Variants in ATF2 observed in about 807,000 individuals in gnomAD.
The protein encoded by ATF2 is cyclic AMP-dependent transcription factor ATF-2.
Under a neutral mutation model 60.6 loss-of-function variants are expected in ATF2, and 24 were observed. The ratio of observed to expected loss-of-function variants is 0.40; its 90% confidence interval spans 0.29 to 0.56. ATF2 has a LOEUF of 0.56. ATF2 is among the 20% of genes least tolerant of loss of function. ATF2 has a pLI of 0.54. For synonymous variants in ATF2, 206 were observed against 215.4 expected (o/e 0.96, Z 0.38); for missense variants, 433 against 607.7 (o/e 0.71, Z 3.02).
intron 1 of ATF2, among the ~76,000 whole-genome samples, chr2:175,163,059 G>C (rs1479988273): frequency 6.6e-6 from 1 of 151,990 alleles, no homozygotes; most frequent in African/African-American, 2.4e-5. Flanking sequence ...GCATGAACCT[G>C]GGAGGCGGAG....
intron 10 of ATF2, among the ~76,000 whole-genome samples, chr2:175,108,970 G>C (rs1695968228): frequency 6.6e-6 from 1 of 151,962 alleles, no homozygotes; most frequent in Admixed American, 6.5e-5. Context: ...ATGCATGAAG[G>C]CAGCATGCTC....
intron 12 of ATF2, among the ~76,000 whole-genome samples, chr2:175,091,394 A>AAT (rs1402249290): frequency 2.0e-5 from 3 of 152,208 alleles, no homozygotes; most frequent in Non-Finnish European, 4.4e-5. Context: ...CACATACCTA[A>AAT]ATCACTTTGT....
At chr2:175,148,928 T>C (rs1299550019) in intron 2 of ATF2, among the ~76,000 whole-genome samples, 1 of 152,138 alleles carries the variant, frequency 6.6e-6, no homozygotes, top group African/African-American at 2.4e-5. Flanking sequence ...ATGTCTTATG[T>C]CTCCCTAAAA....
At chr2:175,076,537 T>C (rs140805775) in intron 13 of ATF2, among the ~76,000 whole-genome samples, 39 of 152,240 alleles carry the variant, frequency 2.6e-4, no homozygotes, top group African/African-American at 9.4e-4. Context: ...CAACAGGTCG[T>C]TTCTCAACTA....
At chr2:175,143,751 T>C (rs1460739055) in intron 2 of ATF2, among the ~76,000 whole-genome samples, 1 of 152,162 alleles carries the variant, frequency 6.6e-6, no homozygotes, top group Non-Finnish European at 1.5e-5. Flanking sequence ...TTCATATATA[T>C]AATGGTTATT....
chr2:175,111,510 AAAACATT>A, intron 10 of ATF2, 51 bp downstream of exon 10: 1 of 1,451,134 alleles, frequency 6.9e-7, no homozygotes, highest in Non-Finnish European at 9.6e-7. Flanking sequence ...GGCTTTAGTG[AAAACATT>A]AATTCAAAAC....
intron 4 of ATF2, among the ~76,000 whole-genome samples, chr2:175,128,610 G>C (rs1381495995): frequency 6.6e-6 from 1 of 151,792 alleles, no homozygotes; most frequent in East Asian, 1.9e-4. Flanking sequence ...GGAAAACAAA[G>C]GAGAATACCT....
chr2:175,094,597 A>T (rs373094516), intron 11 of ATF2, among the ~76,000 whole-genome samples: 39 of 152,238 alleles, frequency 2.6e-4, no homozygotes, highest in African/African-American at 8.7e-4. Flanking sequence ...TATGTAATAC[A>T]AGTCTTATAT....
chr2:175,150,481 C>CT (rs1699238945), intron 2 of ATF2, among the ~76,000 whole-genome samples: 1 of 152,008 alleles, frequency 6.6e-6, no homozygotes, highest in South Asian at 2.1e-4. Context: ...ACTTTATACT[C>CT]TAATATCACC....
rs138034825 is a variant in ATF2 at position 175,144,102 on chromosome 2, AT to A, written c.-44+6957del. Among the ~76,000 whole-genome samples, 299 of 152,080 alleles carry A rather than the reference AT, an allele frequency of 2.0e-3. 3 individuals carry two copies. The highest frequency in any genetic ancestry group is 5.9e-3 in the African/African-American group (243 of 41,510). ...AGGCACTGCACCTGATTCTTTGCCC[AT>A]TTTTTTTAAAAAAAAATGTTAGTTA... On this transcript the variant is annotated intron_variant, in intron 2 of 13. Coordinates refer to ENST00000264110, the MANE Select transcript of ATF2 (RefSeq NM_001880.4).
chr2:175,130,039 G>A (rs1697620025), intron 4 of ATF2, 99 bp downstream of exon 4: 2 of 945,318 alleles, frequency 2.1e-6, no homozygotes, highest in Non-Finnish European at 3.0e-6. Flanking sequence ...AAATTTTACA[G>A]AATACTGTAA....
At chr2:175,163,115 C>T (rs929122812) in intron 1 of ATF2, among the ~76,000 whole-genome samples, 4 of 151,548 alleles carry the variant, frequency 2.6e-5, no homozygotes, top group African/African-American at 9.7e-5. Context: ...GCCTGGGCAA[C>T]AGAGCGAGAC....
intron 11 of ATF2, among the ~76,000 whole-genome samples, chr2:175,094,403 G>GAAAAAAAAAAAAAAAAAAAAA (rs61440218): frequency 3.3e-5 from 2 of 61,138 alleles, no homozygotes; most frequent in Non-Finnish European, 6.9e-5. Flanking sequence ...CAAAAAATAC[G>GAAAAAAAAAAAAAAAAAAAAA]AAAAAAAAAA....
intron 2 of ATF2, among the ~76,000 whole-genome samples, chr2:175,140,606 C>T (rs1698434885): frequency 6.6e-6 from 1 of 151,926 alleles, no homozygotes; most frequent in Non-Finnish European, 1.5e-5. Context: ...ACGTATCAAG[C>T]TGTATACTTT....
At chr2:175,115,193 C>T (rs1326559517) in intron 7 of ATF2, among the ~76,000 whole-genome samples, 1 of 151,712 alleles carries the variant, frequency 6.6e-6, no homozygotes, top group Non-Finnish European at 1.5e-5. Context: ...ATAATCCATT[C>T]TCAGAGAATC....
At chr2:175,122,258 A>T (rs1697014513) in intron 4 of ATF2, among the ~76,000 whole-genome samples, 2 of 152,008 alleles carry the variant, frequency 1.3e-5, no homozygotes, top group African/African-American at 4.8e-5. Flanking sequence ...TTGCATGCCA[A>T]AGGTAACATT....
At chr2:175,143,795 C>T (rs557056316) in intron 2 of ATF2, among the ~76,000 whole-genome samples, 1 of 152,004 alleles carries the variant, frequency 6.6e-6, no homozygotes, top group African/African-American at 2.4e-5. Context: ...CTCTGCCCAG[C>T]CCCCGCCTTT....
intron 12 of ATF2, among the ~76,000 whole-genome samples, chr2:175,091,870 A>G (rs925240305): frequency 3.9e-5 from 6 of 152,222 alleles, no homozygotes; most frequent in African/African-American, 1.2e-4. Flanking sequence ...CTCAAAAACA[A>G]AAAAACAATT....
At chr2:175,147,153 C>T (rs926584817) in intron 2 of ATF2, among the ~76,000 whole-genome samples, 1 of 152,104 alleles carries the variant, frequency 6.6e-6, no homozygotes, top group Non-Finnish European at 1.5e-5. Flanking sequence ...TCTATTAGCT[C>T]CTTGTTCCCT....
Sources: gnomAD v4.1 joint callset for allele counts (sites outside exome capture counted in the v4.1 genomes callset) on GRCh38, gnomAD v4.1.1 for gene constraint, MANE v1.5 for transcripts, NCBI Gene and HGNC (gene_info 2026-07-23, HGNC 2026-07-21) for gene names.